KRIT1: variants seen among roughly 807,000 people sequenced by gnomAD.
The protein encoded by KRIT1 is krev interaction trapped protein 1.
KRIT1 carries 45 observed loss-of-function variants against 95.8 expected under a neutral mutation model. The ratio of observed to expected loss-of-function variants is 0.47; its 90% confidence interval spans 0.37 to 0.60. The LOEUF (loss-of-function observed/expected upper bound fraction) is 0.60, where lower values mean the gene tolerates loss of function less well. Among genes scored for constraint, KRIT1 ranks in the 20% least tolerant of loss-of-function variants. KRIT1 has a pLI of 0.00. For missense variants in KRIT1, 788 were observed against 877.5 expected (o/e 0.90, Z 1.29); for synonymous variants, 282 against 278.8 (o/e 1.01, Z -0.11).
intron 5 of KRIT1, among the ~76,000 whole-genome samples, chr7:92,240,414 G>A (rs2131740888): frequency 6.6e-6 from 1 of 152,278 alleles, no homozygotes; most frequent in Admixed American, 6.5e-5. Flanking sequence ...TTAAATTGTA[G>A]TAACTGAATC....
chr7:92,226,559 T>C lies in KRIT1; in HGVS notation c.1113A>G (p.Val371=). The C allele has an allele frequency of 6.2e-7, 1 of 1,613,264 alleles. No homozygotes were observed. The highest frequency in any genetic ancestry group is 8.5e-7 in the Non-Finnish European group (1 of 1,179,302). The change falls in exon 11 of 19, where the codon GTA becomes GTG. Residue 371 remains valine (V), a synonymous_variant. Coordinates refer to ENST00000394505, the MANE Select transcript of KRIT1 (RefSeq NM_194454.3). ...TTTCTGGGTGGTTTAGGAGAATCTG[T>C]ACTATTTCAGCATGTCCTCCTCCAG... The part of the protein sequence containing the change: ...FAAGGGHAEI[V]QILLNHPETD...
intron 14 of KRIT1, among the ~76,000 whole-genome samples, chr7:92,217,637 T>A (rs1794263567): frequency 6.6e-6 from 1 of 152,212 alleles, no homozygotes; most frequent in African/African-American, 2.4e-5. Context: ...TACTTGTATA[T>A]ATAGATCACA....
At chr7:92,235,332 T>C in intron 8 of KRIT1, 71 bp downstream of exon 8, 1 of 1,456,778 alleles carries the variant, frequency 6.9e-7, no homozygotes, top group East Asian at 2.3e-5. Context: ...GATGTATATA[T>C]CTCAGGAAAA....
chr7:92,202,902 G>C (rs1790523895), intron 17 of KRIT1, among the ~76,000 whole-genome samples: 1 of 152,082 alleles, frequency 6.6e-6, no homozygotes, highest in African/African-American at 2.4e-5. Flanking sequence ...TACTTATCAA[G>C]GTACAGACTG....
intron 10 of KRIT1, among the ~76,000 whole-genome samples, chr7:92,227,300 C>CA (rs1796389149): frequency 6.6e-6 from 1 of 152,166 alleles, no homozygotes; most frequent in Non-Finnish European, 1.5e-5. Context: ...CGCAGTGACT[C>CA]ACACCTATAA....
At chr7:92,218,710 T>C (rs2131383369) in intron 14 of KRIT1, among the ~76,000 whole-genome samples, 1 of 152,252 alleles carries the variant, frequency 6.6e-6, no homozygotes, top group Middle Eastern at 3.4e-3. Flanking sequence ...CTTTTTATTG[T>C]TGAGTTGTAG....
At chr7:92,218,251 A>G (rs1427880332) in intron 14 of KRIT1, among the ~76,000 whole-genome samples, 3 of 151,864 alleles carry the variant, frequency 2.0e-5, no homozygotes, top group Non-Finnish European at 4.4e-5. Context: ...CAAAAACAAA[A>G]ACAAAACTTT....
intron 17 of KRIT1, among the ~76,000 whole-genome samples, chr7:92,203,473 T>C (rs923956739): frequency 6.6e-6 from 1 of 152,232 alleles, no homozygotes; most frequent in African/African-American, 2.4e-5. Context: ...TACCCAAGGA[T>C]AGCATTTCTA....
chr7:92,245,164 C>T lies in KRIT1; in HGVS notation c.-413G>A, dbSNP rs1016146804. On this transcript the variant is annotated 5_prime_UTR_variant, in exon 2 of 19. Coordinates refer to ENST00000394505, the MANE Select transcript of KRIT1 (RefSeq NM_194454.3). Reference sequence around the variant, plus strand: ...AAACATGTAGAAAAAGCGATGAAAGCCAAAAACCTTAAAAGGTGGAGAAAA... The same window carrying T: ...AAACATGTAGAAAAAGCGATGAAAGTCAAAAACCTTAAAAGGTGGAGAAAA... 5.9e-5 allele frequency: 9 copies of T among 151,506 alleles called. No individual in the cohort carries two copies. Among genetic ancestry groups the T allele is most frequent in the Admixed American group, 5.3e-4 (8 of 15,186 alleles). The allele number at this position is 151,506 out of a possible 1,614,324, so 9.4% of individuals were successfully genotyped here. A position where few individuals can be genotyped will look rare whatever the true frequency, so the allele number is the denominator to read the frequency against.
chr7:92,226,393 C>T, intron 11 of KRIT1, 133 bp downstream of exon 11: 1 of 728,062 alleles, frequency 1.4e-6, no homozygotes, highest in Non-Finnish European at 2.4e-6. Context: ...TATTCCGTTA[C>T]TTATTCTATA....
At position 92,234,442 on chromosome 7, in the gene KRIT1, C is replaced by T. The variant is rs1326157197; in HGVS notation, c.989+7G>A. 2 of 1,584,860 alleles carry T rather than the reference C, an allele frequency of 1.3e-6. No homozygotes were observed. The highest frequency in any genetic ancestry group is 1.7e-6 in the Non-Finnish European group (2 of 1,153,628). On this transcript the variant is annotated splice_region_variant and intron_variant, in intron 10 of 18. Coordinates refer to ENST00000394505, the MANE Select transcript of KRIT1 (RefSeq NM_194454.3). ...TCTAAAAAGAAAAGAATAAATATTC[C>T]ATTTACCAGCATGCATAATGAATGG...
At position 92,223,275 on chromosome 7, in the gene KRIT1, A is replaced by G. The variant is rs981271499; in HGVS notation, c.1255-297T>C. Among the ~76,000 whole-genome samples, 129 of 140,904 alleles carry G rather than the reference A, an allele frequency of 9.2e-4. 2 individuals carry two copies. The highest frequency in any genetic ancestry group is 3.4e-3 in the African/African-American group (128 of 37,396). The allele number at this position is 140,904 out of a possible 152,430, so 92.4% of individuals were successfully genotyped here. ...AAACCCCGTCTCTACTAAAAATACA[A>G]AAAAAAAAAAAAAAAAAAAATTAGC... On this transcript the variant is annotated intron_variant, in intron 12 of 18. Transcript: ENST00000394505.
chr7:92,219,262 A>G (rs1794645286), intron 14 of KRIT1, among the ~76,000 whole-genome samples: 1 of 152,170 alleles, frequency 6.6e-6, no homozygotes, highest in Non-Finnish European at 1.5e-5. Context: ...TCAGCCTCCA[A>G]AAGTGCTGGG....
rs1018681346 is a variant in KRIT1 at position 92,222,902 on chromosome 7, A to G, written c.1331T>C (p.Val444Ala). 1 of 1,602,900 alleles carries G rather than the reference A, an allele frequency of 6.2e-7. No homozygotes were observed. Among genetic ancestry groups the G allele is most frequent in the African/African-American group, 1.3e-5 (1 of 74,820 alleles). Residue 444 changes from valine (V) to alanine (A), a missense_variant, in exon 13 of 19, where the codon GTG (valine) becomes GCG (alanine). Physicochemically the swap from Val to Ala is moderately conservative, Grantham distance 64. Coordinates refer to ENST00000394505, the MANE Select transcript of KRIT1 (RefSeq NM_194454.3). Reference sequence around the variant, plus strand: ...ACGCATTCCTTCCATTATCTGCTGCACTGTGGTATTATTTCCATGCTTCAA... The same window carrying G: ...ACGCATTCCTTCCATTATCTGCTGCGCTGTGGTATTATTTCCATGCTTCAA... ...VELKHGNNTT[V>A]QQIMEGMRLS... is the part of the protein sequence containing the mutation.
At chr7:92,232,522 A>G (rs1343541032) in intron 10 of KRIT1, among the ~76,000 whole-genome samples, 1 of 151,216 alleles carries the variant, frequency 6.6e-6, no homozygotes, top group Admixed American at 6.6e-5. Flanking sequence ...GGGGAAAAAA[A>G]AAAAAACACC....
chr7:92,205,596 C>T (rs1416593646), intron 17 of KRIT1: 1 of 151,768 alleles, frequency 6.6e-6, no homozygotes, highest in East Asian at 2.0e-4. Context: ...ATTAGGTGGG[C>T]TTGGTGGTTC....
rs771937753 is a variant in KRIT1, at chr7:92,237,796, TAC to T, written c.263-39_263-38del. 74 of 1,040,016 alleles carry T rather than the reference TAC, an allele frequency of 7.1e-5. No homozygotes were observed. The African/African-American group carries it at 1.1e-3, about 15-fold the overall frequency. The allele number at this position is 1,040,016 out of a possible 1,614,324, so 64.4% of individuals were successfully genotyped here. The stretch of plus-strand genomic sequence containing the variant: ...TAAAAAGTTAGCAAAACAAAAATAA[TAC>T]ACTTTTAAATCTTATAAATTACCTT... On this transcript the variant is annotated intron_variant, in intron 5 of 18. Coordinates refer to ENST00000394505, the MANE Select transcript of KRIT1 (RefSeq NM_194454.3).
chr7:92,207,279 T>C (rs1047604490), intron 17 of KRIT1, among the ~76,000 whole-genome samples: 13 of 151,648 alleles, frequency 8.6e-5, no homozygotes, highest in African/African-American at 2.7e-4. Context: ...AGGTCACATA[T>C]AAGGACATTG....
At chr7:92,232,425 A>G (rs1797491988) in intron 10 of KRIT1, among the ~76,000 whole-genome samples, 1 of 152,036 alleles carries the variant, frequency 6.6e-6, no homozygotes, top group Admixed American at 6.5e-5. Flanking sequence ...GTACTGAAAC[A>G]TAGGTACATT....
Sources: allele counts gnomAD v4.1 joint callset (sites outside exome capture counted in the v4.1 genomes callset), GRCh38; gene constraint gnomAD v4.1.1; transcripts MANE v1.5; gene names NCBI Gene and HGNC (gene_info 2026-07-23, HGNC 2026-07-21).